Variants in NEXMIF observed in about 807,000 individuals in gnomAD.
The protein encoded by NEXMIF is XLMR protein related to neurite extension.
A neutral mutation model predicts 62.1 loss-of-function variants in NEXMIF; 8 were observed. The ratio of observed to expected loss-of-function variants is 0.13; its 90% confidence interval spans 0.08 to 0.23. NEXMIF has a LOEUF of 0.23. Among genes scored for constraint, NEXMIF ranks in the 10% least tolerant of loss-of-function variants. NEXMIF has a pLI of 1.00. For missense variants in NEXMIF, 976 were observed against 1,113.3 expected (o/e 0.88, Z 1.75); for synonymous variants, 404 against 416.6 (o/e 0.97, Z 0.37).
At chrX:74,924,636 C>G (rs2080837793) in intron 1 of NEXMIF, among the ~76,000 whole-genome samples, 1 of 113,728 alleles carries the variant, frequency 8.8e-6, no homozygotes, top group Admixed American at 9.2e-5. Flanking sequence ...TCCTACGGCG[C>G]AAGCACAGAG....
chrX:74,783,891 C>T (rs2080253409), intron 1 of NEXMIF, among the ~76,000 whole-genome samples: 2 of 111,426 alleles, frequency 1.8e-5, no homozygotes, highest in African/African-American at 3.3e-5. Context: ...GTACAGGCTA[C>T]CCTTGGCAAA....
Position 74,799,688 on chromosome X carries a change from C to T in NEXMIF, c.-47-53991G>A, listed in dbSNP as rs765694756. 9.9e-5 allele frequency among the ~76,000 whole-genome samples: 11 copies of T among 110,890 alleles called. No homozygotes were observed. The South Asian group carries it at 1.6e-3, about 16-fold the overall frequency. The stretch of plus-strand genomic sequence containing the variant: ...CTCTGTTGTCCAGGCTGGAGTGCAC[C>T]GGCACGATCACGGCTCACTGCAACC... On this transcript the variant is annotated intron_variant, in intron 1 of 3. Coordinates refer to ENST00000055682, the MANE Select transcript of NEXMIF (RefSeq NM_001008537.3).
At position 74,741,235 on chromosome X, in the gene NEXMIF, T is replaced by G; in HGVS notation, c.3322A>C (p.Ser1108Arg). ...FQEGVPGPLDSVEKIKWDCST... is the reference protein window; with the variant it reads ...FQEGVPGPLDRVEKIKWDCST... ...CAGTCCCACTTGATTTTTTCCACAC[T>G]GTCCAATGGTCCTGGGACACCCTCT... Residue 1108 changes from serine (S) to arginine (R), a missense_variant, in exon 3 of 4, where the codon AGT becomes CGT. Ser to Arg is a moderately radical substitution (Grantham distance 110). Transcript: ENST00000055682. 1 of 1,211,532 alleles carries G rather than the reference T, an allele frequency of 8.3e-7. No homozygotes were observed. The highest frequency in any genetic ancestry group is 1.1e-6 in the Non-Finnish European group (1 of 895,358).
intron 1 of NEXMIF, among the ~76,000 whole-genome samples, chrX:74,818,680 A>C (rs1297816351): frequency 8.9e-6 from 1 of 112,321 alleles, no homozygotes; most frequent in African/African-American, 3.2e-5. Flanking sequence ...GACAACTCAC[A>C]GAATGGGATA....
intron 1 of NEXMIF, among the ~76,000 whole-genome samples, chrX:74,786,586 C>T (rs1051954978): frequency 2.0e-4 from 22 of 111,129 alleles, no homozygotes; most frequent in African/African-American, 6.9e-4. Context: ...TAAAAAGTTC[C>T]AGTTTTAAGC....
intron 1 of NEXMIF, among the ~76,000 whole-genome samples, chrX:74,848,863 CA>C (rs1490849544): frequency 5.4e-5 from 6 of 111,839 alleles, no homozygotes; most frequent in Non-Finnish European, 1.1e-4. Context: ...AGAGTTCTCT[CA>C]TTTCTTCCAC....
At chrX:74,803,571 AAAAT>A (rs750643080) in intron 1 of NEXMIF, among the ~76,000 whole-genome samples, 2 of 108,768 alleles carry the variant, frequency 1.8e-5, no homozygotes, top group African/African-American at 3.3e-5. Context: ...CTGTCTCAAA[AAAAT>A]AAATAAATAA....
At chrX:74,853,386 C>T (rs1366858056) in intron 1 of NEXMIF, among the ~76,000 whole-genome samples, 3 of 107,849 alleles carry the variant, frequency 2.8e-5, no homozygotes, top group African/African-American at 6.8e-5. Flanking sequence ...ATGCGGCCTC[C>T]ACCTGGTGGA....
At chrX:74,878,715 G>T (rs995791778) in intron 1 of NEXMIF, among the ~76,000 whole-genome samples, 1 of 112,727 alleles carries the variant, frequency 8.9e-6, no homozygotes, top group African/African-American at 3.2e-5. Flanking sequence ...AAGCCTGTTG[G>T]AAAAGCGCAG....
rs1569335738 is a variant in NEXMIF at position 74,743,257 on chromosome X, C to T, written c.1300G>A (p.Glu434Lys). 1.7e-6 allele frequency: 2 copies of T among 1,211,272 alleles called. No individual in the cohort carries two copies. The highest frequency in any genetic ancestry group is 2.2e-6 in the Non-Finnish European group (2 of 895,207). Residue 434 changes from glutamate (E) to lysine (K), a missense_variant, in exon 3 of 4, where the codon GAG becomes AAG. Glu to Lys is a moderately conservative substitution (Grantham distance 56, BLOSUM62 1). Around this residue, in one of 5 missense-constraint regions of NEXMIF, gnomAD observed 639 missense variants for 694.5 expected, o/e 0.92. Coordinates refer to ENST00000055682, the MANE Select transcript of NEXMIF (RefSeq NM_001008537.3). ...TCATCACTGAAACTCCCTGATGTCT[C>T]CAGGGAATTAGCAAGATGGCCCTGC... ...PKQGHLANSLETSGSFSDDSS... is the reference protein window; with the variant it reads ...PKQGHLANSLKTSGSFSDDSS...
chrX:74,740,388 T>C lies in NEXMIF; in HGVS notation c.4169A>G (p.Lys1390Arg). 1 of 1,211,962 alleles carries C rather than the reference T, an allele frequency of 8.3e-7. No individual in the cohort carries two copies. The highest frequency in any genetic ancestry group is 1.1e-6 in the Non-Finnish European group (1 of 895,509). ...CACACCCTTGATTGACCTGTGATTC[T>C]TAGTGGCTCCTTGGGACCCACTGTT... ...KINSGSQGAT[K>R]NHRSIKGVSK... The change falls in exon 3 of 4, where the codon AAG becomes AGG. Residue 1390 changes from lysine (K) to arginine (R), a missense_variant. Physicochemically the swap from Lys to Arg is conservative, Grantham distance 26. This residue lies in a region of NEXMIF where 137 missense variants were observed against 128.9 expected (regional missense o/e 1.06). Transcript: ENST00000055682.
intron 1 of NEXMIF, among the ~76,000 whole-genome samples, chrX:74,888,318 A>C (rs1230903774): frequency 9.3e-6 from 1 of 107,153 alleles, no homozygotes; most frequent in East Asian, 3.0e-4. Flanking sequence ...AACAAAAAAA[A>C]AAAGAAAATG....
intron 1 of NEXMIF, among the ~76,000 whole-genome samples, chrX:74,818,073 C>G (rs1483456276): frequency 1.8e-5 from 2 of 109,679 alleles, no homozygotes; most frequent in East Asian, 5.7e-4. Context: ...ATGAAACCAC[C>G]AATGACATTT....
At chrX:74,891,280 C>T (rs1225391692) in intron 1 of NEXMIF, among the ~76,000 whole-genome samples, 1 of 107,878 alleles carries the variant, frequency 9.3e-6, no homozygotes, top group Non-Finnish European at 1.9e-5. Context: ...TCAGTACTGG[C>T]CTTTGTAACC....
chrX:74,857,399 A>C (rs946711038), intron 1 of NEXMIF, among the ~76,000 whole-genome samples: 24 of 112,192 alleles, frequency 2.1e-4, no homozygotes, highest in African/African-American at 7.1e-4. Flanking sequence ...CAACATTTCT[A>C]GACACATTCT....
chrX:74,893,800 G>A (rs2080724869), intron 1 of NEXMIF, among the ~76,000 whole-genome samples: 1 of 112,126 alleles, frequency 8.9e-6, no homozygotes, highest in Non-Finnish European at 1.9e-5. Context: ...ACCAGGATCA[G>A]ACAGGGCCAT....
At chrX:74,790,636 T>C (rs1421224896) in intron 1 of NEXMIF, among the ~76,000 whole-genome samples, 2 of 113,589 alleles carry the variant, frequency 1.8e-5, no homozygotes, top group Non-Finnish European at 3.7e-5. Flanking sequence ...TTTGTTTGTA[T>C]CCTCTTTTAT....
intron 1 of NEXMIF, among the ~76,000 whole-genome samples, chrX:74,792,918 A>C (rs1329338145): frequency 9.5e-6 from 1 of 104,923 alleles, no homozygotes; most frequent in African/African-American, 3.5e-5. Flanking sequence ...ATGGGTCTTG[A>C]CTCTTTATCC....
At chrX:74,822,197 A>T (rs1002460465) in intron 1 of NEXMIF, among the ~76,000 whole-genome samples, 3 of 112,090 alleles carry the variant, frequency 2.7e-5, no homozygotes, top group Admixed American at 1.9e-4. Context: ...ACACAAAGTG[A>T]ATCAAAGACC....
Sources: gnomAD v4.1 joint callset for allele counts (sites outside exome capture counted in the v4.1 genomes callset) on GRCh38, gnomAD v4.1.1 for gene constraint, gnomAD v4.1.1 regional missense constraint, MANE v1.5 for transcripts, NCBI Gene and HGNC (gene_info 2026-07-23, HGNC 2026-07-21) for gene names.